The following CCDC178 variants were observed in gnomAD, a reference collection of about 807,000 sequenced individuals.
The protein encoded by CCDC178 is coiled-coil domain-containing protein 178.
Under a neutral mutation model 117.4 loss-of-function variants are expected in CCDC178, and 126 were observed. That is an observed-to-expected ratio of 1.07 (90% CI 0.93 to 1.24). The LOEUF (loss-of-function observed/expected upper bound fraction) is 1.24. CCDC178 is among the 50% of genes most tolerant of loss of function. The pLI is 0.00. For synonymous variants in CCDC178, 283 were observed against 313.4 expected (o/e 0.90, Z 1.02); for missense variants, 1,030 against 986.9 (o/e 1.04, Z -0.59).
intron 15 of CCDC178, among the ~76,000 whole-genome samples, chr18:33,235,480 C>A (rs1292470746): frequency 6.6e-6 from 1 of 152,120 alleles, no homozygotes; most frequent in Middle Eastern, 3.2e-3. Context: ...ATAACAATTG[C>A]ACAGTTTTGT....
intron 21 of CCDC178, among the ~76,000 whole-genome samples, chr18:33,027,979 G>A (rs75022878): frequency 1.1e-3 from 170 of 151,776 alleles, no homozygotes; most frequent in Middle Eastern, 6.8e-3. Flanking sequence ...TCTTAATGAA[G>A]AATATTACAT....
intron 14 of CCDC178, among the ~76,000 whole-genome samples, chr18:33,251,821 A>C (rs779481646): frequency 5.3e-5 from 8 of 151,754 alleles, no homozygotes; most frequent in Non-Finnish European, 7.4e-5. Context: ...GCTACTTAGC[A>C]TACTTGTGTT....
At chr18:33,366,971 C>A (rs531271950) in intron 6 of CCDC178, among the ~76,000 whole-genome samples, 1 of 152,138 alleles carries the variant, frequency 6.6e-6, no homozygotes, top group African/African-American at 2.4e-5. Context: ...TGTTAAGTGG[C>A]AAAAATGTTG....
chr18:33,081,312 T>C (rs2057293812), intron 21 of CCDC178, among the ~76,000 whole-genome samples: 1 of 152,236 alleles, frequency 6.6e-6, no homozygotes, highest in Non-Finnish European at 1.5e-5. Flanking sequence ...TTTAGCTTTC[T>C]GAGTTAGTGA....
chr18:33,110,353 T>C (rs561659966), intron 20 of CCDC178, among the ~76,000 whole-genome samples: 10 of 151,780 alleles, frequency 6.6e-5, no homozygotes, highest in African/African-American at 2.4e-4. Flanking sequence ...TGTCTTTTTA[T>C]TCTTCAATGG....
At chr18:33,272,933 T>C (rs903816871) in intron 12 of CCDC178, among the ~76,000 whole-genome samples, 8 of 151,336 alleles carry the variant, frequency 5.3e-5, no homozygotes, top group Admixed American at 2.0e-4. Context: ...GCCAACATCA[T>C]ACTTGATGAA....
At chr18:33,341,748 T>C (rs1233454323) in intron 9 of CCDC178, among the ~76,000 whole-genome samples, 1 of 152,174 alleles carries the variant, frequency 6.6e-6, no homozygotes, top group Non-Finnish European at 1.5e-5. Context: ...TTTTCTGAGT[T>C]CTCCCTGGCC....
intron 21 of CCDC178, among the ~76,000 whole-genome samples, chr18:33,011,738 CTT>C (rs895864901): frequency 1.7e-4 from 19 of 111,526 alleles, no homozygotes; most frequent in Non-Finnish European, 2.9e-4. Context: ...ACAGGCTTAA[CTT>C]AACGTGGCAA....
At chr18:33,304,016 A>G (rs1262629764) in intron 11 of CCDC178, among the ~76,000 whole-genome samples, 1 of 152,098 alleles carries the variant, frequency 6.6e-6, no homozygotes, top group East Asian at 1.9e-4. Context: ...GCCTTAGTAT[A>G]CCTGCAACAA....
intron 20 of CCDC178, among the ~76,000 whole-genome samples, chr18:33,157,936 A>G (rs138230824): frequency 6.8e-4 from 104 of 152,244 alleles, no homozygotes; most frequent in Middle Eastern, 3.4e-3. Context: ...GGAACCTCTT[A>G]CAGCTTTTTA....
chr18:33,210,060 G>A (rs1230518941), intron 20 of CCDC178, among the ~76,000 whole-genome samples: 6 of 151,984 alleles, frequency 3.9e-5, no homozygotes, highest in Non-Finnish European at 8.8e-5. Context: ...CCTGCTTCTT[G>A]CTACTAGCAG....
intron 9 of CCDC178, among the ~76,000 whole-genome samples, chr18:33,339,606 T>C (rs190759562): frequency 2.4e-4 from 37 of 152,042 alleles, no homozygotes; most frequent in Admixed American, 1.1e-3. Flanking sequence ...TCAACTTGAA[T>C]TGTATCTCCC....
intron 11 of CCDC178, among the ~76,000 whole-genome samples, chr18:33,295,992 T>C (rs2062102221): frequency 6.6e-6 from 1 of 152,176 alleles, no homozygotes; most frequent in African/African-American, 2.4e-5. Flanking sequence ...TTGATATCCA[T>C]GGCAACTTTA....
chr18:33,200,683 T>C (rs2058981043), intron 20 of CCDC178, among the ~76,000 whole-genome samples: 4 of 152,214 alleles, frequency 2.6e-5, no homozygotes, highest in Admixed American at 2.6e-4. Context: ...CTTTCCAAGA[T>C]TTAGTTCTGC....
intron 20 of CCDC178, among the ~76,000 whole-genome samples, chr18:33,116,877 C>A (rs1403306236): frequency 7.6e-5 from 10 of 130,970 alleles, no homozygotes; most frequent in African/African-American, 3.0e-4. Context: ...TGAAAGCAGA[C>A]AGCTATAGCA....
intron 12 of CCDC178, among the ~76,000 whole-genome samples, chr18:33,281,097 T>TATAAGAATAATAATA (rs1568112685): frequency 6.9e-6 from 1 of 145,584 alleles, no homozygotes; most frequent in African/African-American, 2.6e-5. Flanking sequence ...AAACTTAAAG[T>TATAAGAATAATAATA]ATAATAATAA....
intron 2 of CCDC178, among the ~76,000 whole-genome samples, chr18:33,421,612 G>C (rs547563322): frequency 1.9e-4 from 29 of 152,320 alleles, no homozygotes; most frequent in African/African-American, 4.8e-4. Flanking sequence ...ACCACGACCA[G>C]AGAAAGATGC....
At chr18:33,355,102 A>T (rs771746534) in intron 7 of CCDC178, among the ~76,000 whole-genome samples, 2 of 152,096 alleles carry the variant, frequency 1.3e-5, no homozygotes, top group African/African-American at 2.4e-5. Flanking sequence ...GTTTATGTTA[A>T]TTTATCCTTT....
At chr18:33,338,457 T>A (rs1340561091) in intron 9 of CCDC178, among the ~76,000 whole-genome samples, 1 of 152,182 alleles carries the variant, frequency 6.6e-6, no homozygotes, top group Non-Finnish European at 1.5e-5. Flanking sequence ...AATGCATGTT[T>A]ATAGCAACAA....
Sources: allele counts gnomAD v4.1 joint callset (sites outside exome capture counted in the v4.1 genomes callset), GRCh38; gene constraint gnomAD v4.1.1; transcripts MANE v1.5; gene names NCBI Gene and HGNC (gene_info 2026-07-23, HGNC 2026-07-21).